SLC24A2: variants seen among roughly 807,000 people sequenced by gnomAD.
SLC24A2 encodes the protein sodium/potassium/calcium exchanger 2.
In SLC24A2, 36 loss-of-function variants were observed where a neutral mutation model predicts 62.0. The ratio of observed to expected loss-of-function variants is 0.58; its 90% confidence interval spans 0.44 to 0.77. SLC24A2 has a LOEUF of 0.77. Among genes scored for constraint, SLC24A2 ranks in the 30% least tolerant of loss-of-function variants. The pLI is 0.00. For synonymous variants in SLC24A2, 358 were observed against 294.0 expected, an observed-to-expected ratio of 1.22 and a Z score of -2.23; for missense variants, 846 against 817.9, an observed-to-expected ratio of 1.03 and a Z score of -0.42.
intron 2 of SLC24A2, among the ~76,000 whole-genome samples, chr9:19,727,796 CA>C (rs1333247722): frequency 1.3e-5 from 2 of 152,144 alleles, no homozygotes; most frequent in African/African-American, 4.8e-5. Context: ...AAGGTCTGAT[CA>C]GTTTTACATT....
chr9:19,982,955 C>T, the SLC24A2 span, among the ~76,000 whole-genome samples: 1 of 152,060 alleles, frequency 6.6e-6, no homozygotes, highest in Non-Finnish European at 1.5e-5. Flanking sequence ...TTGACAAAAT[C>T]CAACATTCTT....
At chr9:20,181,109 T>C in the SLC24A2 span, among the ~76,000 whole-genome samples, 3 of 152,102 alleles carry the variant, frequency 2.0e-5, no homozygotes, top group Admixed American at 2.0e-4. Flanking sequence ...AGGTACCAAA[T>C]TGGAGCCCAG....
the SLC24A2 span, among the ~76,000 whole-genome samples, chr9:19,917,824 T>C: frequency 6.6e-6 from 1 of 152,162 alleles, no homozygotes; most frequent in Non-Finnish European, 1.5e-5. Flanking sequence ...TTCCAGTAAC[T>C]ACAAATGTGG....
chr9:19,786,628 T>C lies in SLC24A2; in HGVS notation c.239A>G (p.Gln80Arg). Residue 80 changes from glutamine (Q) to arginine (R), a missense_variant, in exon 2 of 11, where the codon CAG (glutamine) becomes CGG (arginine). Coordinates refer to ENST00000341998, the MANE Select transcript of SLC24A2 (RefSeq NM_020344.4). This position sits in a 1 kb window ranked among gnomAD's most constrained non-coding sequence, Gnocchi z 5.0. ...ASVVSGPRVAQGYHQRTLLDL... is the reference protein window; with the variant it reads ...ASVVSGPRVARGYHQRTLLDL... ...TAAGAGAGTTCTCTGATGGTAACCC[T>C]GTGCTACCCTAGGGCCACTTACAAC... is the stretch of plus-strand genomic sequence containing the variant. 1 of 1,614,148 alleles carries C rather than the reference T, an allele frequency of 6.2e-7. No homozygotes were observed. The highest frequency in any genetic ancestry group is 2.2e-5 in the East Asian group (1 of 44,888).
intron 6 of SLC24A2, among the ~76,000 whole-genome samples, chr9:19,574,020 C>T (rs942178088): frequency 6.6e-6 from 1 of 152,124 alleles, no homozygotes; most frequent in Non-Finnish European, 1.5e-5. Flanking sequence ...CTGCTTTGAT[C>T]GGGTTGCTAT....
At position 19,765,343 on chromosome 9, in the gene SLC24A2, T is replaced by G. The variant is rs529828991; in HGVS notation, c.930+20594A>C. Among the ~76,000 whole-genome samples, 94 of 152,326 alleles carry G rather than the reference T, an allele frequency of 6.2e-4. No individual in the cohort carries two copies. The Middle Eastern group carries it at 0.017, about 28-fold the overall frequency. ...TGTGAATCTGATCCTGCCATTATGA[T>G]GCTAACTGGTTATTTTGCCCATTAG... On this transcript the variant is annotated intron_variant, in intron 2 of 10. Transcript: ENST00000341998.
the SLC24A2 span, among the ~76,000 whole-genome samples, chr9:19,950,382 T>C: frequency 2.6e-5 from 4 of 152,342 alleles, no homozygotes; most frequent in African/African-American, 7.2e-5. Flanking sequence ...AGATTTATTA[T>C]AAAATCTGTC....
the SLC24A2 span, among the ~76,000 whole-genome samples, chr9:19,973,730 A>T: frequency 1.5e-4 from 23 of 152,358 alleles, no homozygotes; most frequent in Admixed American, 1.2e-3. Context: ...TCCAAACCAG[A>T]TACATTTTAC....
intron 2 of SLC24A2, among the ~76,000 whole-genome samples, chr9:19,666,944 T>C (rs555763192): frequency 1.4e-4 from 22 of 152,200 alleles, no homozygotes; most frequent in Non-Finnish European, 2.8e-4. Context: ...AAACAATAAT[T>C]CTTACTTTTC....
the SLC24A2 span, among the ~76,000 whole-genome samples, chr9:20,007,326 G>C: frequency 6.6e-6 from 1 of 152,092 alleles, no homozygotes. Context: ...GGGTTGAAAA[G>C]GATTCTGCAC....
the SLC24A2 span, among the ~76,000 whole-genome samples, chr9:20,267,903 G>T: frequency 6.6e-6 from 1 of 152,078 alleles, no homozygotes. Flanking sequence ...CCTACTGGGT[G>T]CCAGGAAGTG....
intron 4 of SLC24A2, among the ~76,000 whole-genome samples, chr9:19,615,033 C>A (rs1304455820): frequency 2.0e-5 from 3 of 152,140 alleles, no homozygotes; most frequent in African/African-American, 7.2e-5. Context: ...TACACATCAA[C>A]AGATAATAAA....
At chr9:19,683,467 C>T (rs943210592) in intron 2 of SLC24A2, among the ~76,000 whole-genome samples, 9 of 151,514 alleles carry the variant, frequency 5.9e-5, no homozygotes, top group African/African-American at 1.9e-4. Context: ...GGTCTGACCA[C>T]ACCTAGCCAT....
chr9:20,159,849 A>C, the SLC24A2 span, among the ~76,000 whole-genome samples: 1 of 151,588 alleles, frequency 6.6e-6, no homozygotes, highest in Non-Finnish European at 1.5e-5. Flanking sequence ...TAAAGTTTAA[A>C]ATATACAAAG....
chr9:19,760,936 T>A (rs1433208730), intron 2 of SLC24A2, among the ~76,000 whole-genome samples: 29 of 146,254 alleles, frequency 2.0e-4, no homozygotes, highest in Non-Finnish European at 4.2e-4. Flanking sequence ...GGGTGGAGGG[T>A]TAGCATTAGG....
At chr9:19,569,781 G>C (rs954522050) in intron 7 of SLC24A2, among the ~76,000 whole-genome samples, 1 of 152,044 alleles carries the variant, frequency 6.6e-6, no homozygotes, top group Non-Finnish European at 1.5e-5. Flanking sequence ...CCTCCTCTCT[G>C]ACTTCATTGC....
chr9:19,994,018 G>A, the SLC24A2 span, among the ~76,000 whole-genome samples: 2 of 152,176 alleles, frequency 1.3e-5, no homozygotes, highest in Non-Finnish European at 2.9e-5. Context: ...GGAAACTGAG[G>A]TAAAGATAGA....
chr9:19,893,526 T>C, the SLC24A2 span, among the ~76,000 whole-genome samples: 1 of 152,230 alleles, frequency 6.6e-6, no homozygotes, highest in African/African-American at 2.4e-5. Context: ...ATTATAATAG[T>C]AGCTACTGTT....
At chr9:19,995,252 A>G in the SLC24A2 span, among the ~76,000 whole-genome samples, 1 of 152,316 alleles carries the variant, frequency 6.6e-6, no homozygotes, top group African/African-American at 2.4e-5. Flanking sequence ...TTTAAAAATT[A>G]AAATATTAAT....
Sources: gnomAD v4.1 joint callset for allele counts (sites outside exome capture counted in the v4.1 genomes callset) on GRCh38, gnomAD v4.1.1 for gene constraint, Gnocchi (gnomAD v3.1) non-coding constraint, MANE v1.5 for transcripts, NCBI Gene and HGNC (gene_info 2026-07-23, HGNC 2026-07-21) for gene names.